The following RGPD2 variants were observed in gnomAD, a reference collection of about 807,000 sequenced individuals.
RGPD2 encodes RANBP2 like and GRIP domain containing 2, also known as RANBP2-like and GRIP domain-containing protein 2.
Under a neutral mutation model 36.0 loss-of-function variants are expected in RGPD2, and 2 were observed. That is an observed-to-expected ratio of 0.06 (90% CI 0.02 to 0.17). The LOEUF is 0.17. Ranked by LOEUF, RGPD2 falls within the 10% of genes least tolerant of loss-of-function variation. The pLI is 1.00. For synonymous variants in RGPD2, 19 were observed against 163.8 expected, an observed-to-expected ratio of 0.12 and a Z score of 6.75; for missense variants, 40 against 464.3, an observed-to-expected ratio of 0.09 and a Z score of 8.40.
the RGPD2 span, among the ~76,000 whole-genome samples, chr2:87,951,827 C>T: frequency 7.0e-6 from 1 of 142,898 alleles, no homozygotes; most frequent in Non-Finnish European, 1.5e-5. Flanking sequence ...TTGTGATCCG[C>T]CCGCCTCAGC....
At chr2:87,845,609 T>A in the RGPD2 span, among the ~76,000 whole-genome samples, 1 of 150,276 alleles carries the variant, frequency 6.7e-6, no homozygotes, top group Non-Finnish European at 1.5e-5. Context: ...TGTGTTATTA[T>A]CTATAAGGTC....
chr2:87,758,946 TTAA>T lies in RGPD2; in HGVS notation c.5237-1523_5237-1521del, dbSNP rs1238420675. 1.4e-4 allele frequency among the ~76,000 whole-genome samples: 21 copies of T among 146,480 alleles called. No homozygotes were observed. The South Asian group carries it at 3.3e-3, about 23-fold the overall frequency. The stretch of plus-strand genomic sequence containing the variant: ...AAAGCCCCTTCCCACAGGGATATTA[TTAA>T]TAATTGCGTAACGTGTTCACCTCTC... On this transcript the variant is annotated intron_variant, in intron 22 of 22. Transcript: ENST00000398146.
chr2:87,985,328 C>T, the RGPD2 span, among the ~76,000 whole-genome samples: 1 of 150,828 alleles, frequency 6.6e-6, no homozygotes, highest in Non-Finnish European at 1.5e-5. Context: ...ATCTTATCTT[C>T]AGAAAACAAT....
intron 1 of RGPD2, chr2:87,825,010 C>T (rs949569928): frequency 1.0e-5 from 4 of 392,956 alleles, no homozygotes; most frequent in African/African-American, 8.3e-5. Context: ...TATTCCTCAT[C>T]ACTCAGCTAA....
upstream of RGPD2, among the ~76,000 whole-genome samples, chr2:87,827,389 A>G (rs1686848843): frequency 6.6e-6 from 1 of 151,798 alleles, no homozygotes; most frequent in South Asian, 2.1e-4. Flanking sequence ...CTGGGTTCAA[A>G]TTCCAACTTT....
At chr2:87,882,220 T>C in the RGPD2 span, among the ~76,000 whole-genome samples, 2 of 151,908 alleles carry the variant, frequency 1.3e-5, no homozygotes, top group African/African-American at 4.8e-5. Flanking sequence ...ACTCTAGTAA[T>C]TTTATTATTT....
At chr2:87,979,916 A>C in the RGPD2 span, among the ~76,000 whole-genome samples, 1 of 151,702 alleles carries the variant, frequency 6.6e-6, no homozygotes, top group Non-Finnish European at 1.5e-5. Flanking sequence ...TGGAGTTATA[A>C]AAATATTCTG....
intron 1 of RGPD2, among the ~76,000 whole-genome samples, chr2:87,825,298 C>A (rs1214058186): frequency 1.3e-5 from 2 of 151,600 alleles, no homozygotes; most frequent in African/African-American, 2.4e-5. Context: ...CACTAAAGGG[C>A]GAACCTGATC....
At chr2:87,913,787 T>C in the RGPD2 span, among the ~76,000 whole-genome samples, 2 of 152,032 alleles carry the variant, frequency 1.3e-5, no homozygotes, top group African/African-American at 2.4e-5. Context: ...AAATTCATTA[T>C]TCCTAAATTA....
chr2:87,877,544 C>T, the RGPD2 span, among the ~76,000 whole-genome samples: 2 of 152,120 alleles, frequency 1.3e-5, no homozygotes, highest in Admixed American at 6.5e-5. Context: ...TGGCTCACAC[C>T]TGTAATCCCA....
the RGPD2 span, among the ~76,000 whole-genome samples, chr2:87,961,374 C>CG: frequency 2.2e-4 from 33 of 152,028 alleles, no homozygotes; most frequent in African/African-American, 7.9e-4. Flanking sequence ...GAGCTGCACT[C>CG]GGCCGGGCTC....
intron 1 of RGPD2, among the ~76,000 whole-genome samples, chr2:87,824,700 G>A (rs763540064): frequency 3.8e-4 from 52 of 135,600 alleles, no homozygotes; most frequent in Non-Finnish European, 7.4e-4. Context: ...TAAGAGAGGT[G>A]AGGCCGAGGC....
At chr2:87,958,244 G>T in the RGPD2 span, among the ~76,000 whole-genome samples, 55 of 152,176 alleles carry the variant, frequency 3.6e-4, no homozygotes, top group African/African-American at 1.3e-3. Context: ...GTCTTAACTT[G>T]GTTAACTATA....
chr2:87,970,217 C>G, the RGPD2 span, among the ~76,000 whole-genome samples: 1 of 151,900 alleles, frequency 6.6e-6, no homozygotes, highest in Admixed American at 6.6e-5. Flanking sequence ...GTTAACTCTA[C>G]CACTTCGGAA....
the RGPD2 span, among the ~76,000 whole-genome samples, chr2:87,842,710 C>G: frequency 6.6e-6 from 1 of 151,872 alleles, no homozygotes; most frequent in African/African-American, 2.4e-5. Flanking sequence ...GAAAAAACTA[C>G]TTTAAAGTTC....
chr2:87,873,326 T>C, the RGPD2 span, among the ~76,000 whole-genome samples: 4 of 144,934 alleles, frequency 2.8e-5, no homozygotes, highest in African/African-American at 1.1e-4. Flanking sequence ...ATCTTTATAA[T>C]AGAATGATTT....
the RGPD2 span, among the ~76,000 whole-genome samples, chr2:87,952,430 C>T: frequency 1.3e-5 from 2 of 151,960 alleles, no homozygotes; most frequent in Admixed American, 6.5e-5. Context: ...ATTTAAAAGG[C>T]CATGAGAAAG....
the RGPD2 span, among the ~76,000 whole-genome samples, chr2:87,861,456 A>G: frequency 7.9e-5 from 12 of 152,134 alleles, no homozygotes; most frequent in East Asian, 2.1e-3. Flanking sequence ...ATGAACCACC[A>G]ATTTTGTATT....
At chr2:87,978,275 T>A in the RGPD2 span, among the ~76,000 whole-genome samples, 2 of 151,556 alleles carry the variant, frequency 1.3e-5, no homozygotes, top group South Asian at 4.2e-4. Flanking sequence ...ACATATTTTT[T>A]AAAATCTAAT....
Sources: allele counts gnomAD v4.1 joint callset (sites outside exome capture counted in the v4.1 genomes callset), GRCh38; gene constraint gnomAD v4.1.1; transcripts MANE v1.5; gene names NCBI Gene and HGNC (gene_info 2026-07-23, HGNC 2026-07-21).